Variants in JOSD2 observed in about 807,000 individuals in gnomAD.
The protein encoded by JOSD2 is josephin-2.
JOSD2 carries 20 observed loss-of-function variants against 19.3 expected under a neutral mutation model. The observed-to-expected ratio is 1.04, with a 90% CI of 0.73 to 1.51. The LOEUF is 1.51. JOSD2 is among the 40% of genes most tolerant of loss of function. The pLI is 0.00. For missense variants in JOSD2, 215 were observed against 250.4 expected (o/e 0.86, Z 0.95); for synonymous variants, 118 against 123.7 (o/e 0.95, Z 0.31).
At position 50,506,507 on chromosome 19, in the gene JOSD2, G is replaced by A. The variant is rs1048937122; in HGVS notation, c.338C>T (p.Ser113Leu). 4 of 1,556,348 alleles carry A rather than the reference G, an allele frequency of 2.6e-6. No homozygotes were observed. The highest frequency in any genetic ancestry group is 2.4e-5 in the East Asian group (1 of 41,364). Residue 113 changes from serine to leucine, a missense_variant, in exon 4 of 5, where the codon TCG (serine) becomes TTG (leucine). Physicochemically the swap from Ser to Leu is moderately radical, Grantham distance 145 (BLOSUM62 -2). Transcript: ENST00000598418. ...GLILNLPSPV[S>L]LGLLSLPLRR... ...CAGCGGCAGTGACAGCAGCCCCAGC[G>A]ACACGGGCGAGGGCAGGTTCAGGAT...
At chr19:50,510,203 C>T in intron 2 of JOSD2, 83 bp downstream of exon 2, 1 of 1,561,912 alleles carries the variant, frequency 6.4e-7, no homozygotes, top group Non-Finnish European at 8.8e-7. Context: ...CCCCAAGGCT[C>T]AGCGCCTGCC....
In JOSD2 at chr19:50,506,407, G is replaced by T; in HGVS notation, c.438C>A (p.Pro146=). The T allele has an allele frequency of 6.2e-7, 1 of 1,605,734 alleles. No individual in the cohort carries two copies. Residue 146 remains proline, a synonymous_variant, in exon 4 of 5, where the codon CCC becomes CCA. Transcript: ENST00000598418. The part of the protein sequence containing the change: ...YYNLDSKLRA[P]EALGDEDGVR... ...CTCCGTCCTCATCCCCCAGGGCCTC[G>T]GGCGCCCGCAGCTTGGAGTCCAGGT...
intron 3 of JOSD2, among the ~76,000 whole-genome samples, chr19:50,507,158 T>G (rs1477164817): frequency 9.3e-6 from 1 of 107,962 alleles, no homozygotes; most frequent in African/African-American, 3.5e-5. Context: ...CACCCAACAG[T>G]GGACTCGCCA....
intron 2 of JOSD2, among the ~76,000 whole-genome samples, chr19:50,509,609 C>T (rs1327419135): frequency 3.9e-5 from 6 of 151,958 alleles, no homozygotes; most frequent in Non-Finnish European, 5.9e-5. Flanking sequence ...AGGGCGGGGG[C>T]GTGTTTAGGA....
At chr19:50,508,617 T>C (rs954496930) in intron 2 of JOSD2, among the ~76,000 whole-genome samples, 5 of 151,100 alleles carry the variant, frequency 3.3e-5, no homozygotes, top group Admixed American at 6.6e-5. Flanking sequence ...TCACCACTTG[T>C]CTCTGGGCCC....
At chr19:50,507,424 A>AT (rs1452977682) in intron 3 of JOSD2, 150 bp downstream of exon 3, 1 of 1,068,328 alleles carries the variant, frequency 9.4e-7, no homozygotes, top group African/African-American at 1.6e-5. Context: ...CGACCACCTG[A>AT]TCTCCCCCTT....
chr19:50,510,656 C>G (rs761018653), intron 1 of JOSD2, among the ~76,000 whole-genome samples: 1 of 152,110 alleles, frequency 6.6e-6, no homozygotes, highest in Non-Finnish European at 1.5e-5. Flanking sequence ...AACGCTGTCT[C>G]TTCTGCTCCC....
rs1365555398 is a variant in JOSD2, at chr19:50,506,256, C to T, written c.484G>A (p.Ala162Thr). Residue 162 changes from alanine (A) to threonine (T), a missense_variant, in exon 5 of 5, where the codon GCG becomes ACG. Transcript: ENST00000598418. ...EDGVRAFLAA[A>T]LAQGLCEVLL... ...ACCTCGCACAGGCCCTGGGCCAGCGCAGCCGCCAGGAAGGCCCTGGGTGGG... is the reference window on the plus strand; with the variant it reads ...ACCTCGCACAGGCCCTGGGCCAGCGTAGCCGCCAGGAAGGCCCTGGGTGGG... The T allele has an allele frequency of 3.1e-6, 5 of 1,612,658 alleles. No homozygotes were observed. Among genetic ancestry groups the T allele is most frequent in the East Asian group, 2.2e-5 (1 of 44,868 alleles).
At position 50,506,411 on chromosome 19, in the gene JOSD2, GCCCGCAGCTTGGAGTC is replaced by G. The variant is rs1568700384; in HGVS notation, c.418_433del (p.Asp140ArgfsTer29). 6.2e-7 allele frequency: 1 copy of G among 1,605,230 alleles called. No homozygotes were observed. On this transcript the variant is annotated frameshift_variant, in exon 4 of 5. Transcript: ENST00000598418. LOFTEE classifies it high-confidence loss of function. ...GTCCTCATCCCCCAGGGCCTCGGGC[GCCCGCAGCTTGGAGTC>G]CAGGTTGTAGTAGACACCGTCCACC...
chr19:50,510,063 A>AAAAAAAAAAAAAAAG (rs1182149961), intron 2 of JOSD2: 1 of 460,238 alleles, frequency 2.2e-6, no homozygotes, highest in African/African-American at 2.1e-5. Flanking sequence ...AAAAAAAAAA[A>AAAAAAAAAAAAAAAG]AAAAGAAAGA....
intron 1 of JOSD2, 74 bp downstream of exon 1, chr19:50,511,043 A>T: frequency 2.2e-6 from 1 of 447,986 alleles, no homozygotes; most frequent in Admixed American, 2.4e-5. Flanking sequence ...CTCCCCGGAC[A>T]CCAAGGAATG....
At chr19:50,507,811 G>A in intron 2 of JOSD2, 112 bp from the exon 3 acceptor site, 1 of 1,352,058 alleles carries the variant, frequency 7.4e-7, no homozygotes, top group Non-Finnish European at 1.0e-6. Flanking sequence ...CCCCGCTTCA[G>A]ACCCCACAAC....
chr19:50,507,515 A>G, intron 3 of JOSD2, 59 bp downstream of exon 3: 1 of 1,524,320 alleles, frequency 6.6e-7, no homozygotes, highest in Non-Finnish European at 8.8e-7. Context: ...CAACAGGCTC[A>G]CACTATAGGG....
rs1404469747 is a variant in JOSD2, at chr19:50,506,583, A to G, written c.273-11T>C. The stretch of plus-strand genomic sequence containing the variant: ...AGCTGGGACAGGGGCCTGTGTGGGC[A>G]GGGAGGGGACACTGCCATCAGGGCC... On this transcript the variant is annotated splice_polypyrimidine_tract_variant and intron_variant, in intron 3 of 4. Transcript: ENST00000598418. 1 of 1,509,588 alleles carries G rather than the reference A, an allele frequency of 6.6e-7. No individual in the cohort carries two copies. Among genetic ancestry groups the G allele is most frequent in the Non-Finnish European group, 8.9e-7 (1 of 1,126,392 alleles). The allele number at this position is 1,509,588 out of a possible 1,614,324, so 93.5% of individuals were successfully genotyped here.
At position 50,511,140 on chromosome 19, in the gene JOSD2, G is replaced by C. The variant is rs1979826605; in HGVS notation, c.-41C>G. On this transcript the variant is annotated 5_prime_UTR_variant, in exon 1 of 5. Transcript: ENST00000598418. ...ACCCCGCCTGCCTCTCCGCTCCACC[G>C]AGCCAGGGGTTTCCGCATCCCCTTC... 4.4e-6 allele frequency: 2 copies of C among 450,700 alleles called. No individual in the cohort carries two copies. Among genetic ancestry groups the C allele is most frequent in the Non-Finnish European group, 4.5e-6 (1 of 224,046 alleles). The allele number at this position is 450,700 out of a possible 1,614,324, so 27.9% of individuals were successfully genotyped here. A position where few individuals can be genotyped will look rare whatever the true frequency, so the allele number is the denominator to read the frequency against.
intron 3 of JOSD2, 110 bp from the exon 4 acceptor site, chr19:50,506,682 A>C: frequency 2.0e-6 from 2 of 982,610 alleles, no homozygotes; most frequent in Admixed American, 5.9e-5. Context: ...TCCTGAGCCC[A>C]CCCAGAGGTG....
chr19:50,508,036 T>C (rs566295931), intron 2 of JOSD2: 7 of 399,554 alleles, frequency 1.8e-5, no homozygotes, highest in South Asian at 1.6e-4. Flanking sequence ...GTCCTGTCTC[T>C]CCTGCCCTGA....
Position 50,510,393 on chromosome 19 carries a change from G to GGTGGGTGCCGTTC in JOSD2, c.38_39insGAACGGCACCCAC (p.Val14AsnfsTer30). On this transcript the variant is annotated frameshift_variant, in exon 2 of 5. Transcript: ENST00000598418. LOFTEE classifies it high-confidence loss of function. ...CCAGGCGCTGCCGTTCGTGGTACAC[G>GGTGGGTGCCGTTC]GTGGGTGGGCTCGGCTGTGCTCCCG... The GGTGGGTGCCGTTC allele has an allele frequency of 1.2e-6, 2 of 1,613,038 alleles. No homozygotes were observed. Among genetic ancestry groups the GGTGGGTGCCGTTC allele is most frequent in the Non-Finnish European group, 1.7e-6 (2 of 1,179,676 alleles).
chr19:50,507,548 A>G (rs764959916), intron 3 of JOSD2, 26 bp downstream of exon 3: 2 of 1,591,528 alleles, frequency 1.3e-6, no homozygotes, highest in East Asian at 4.5e-5. Context: ...CCGGCCCAGC[A>G]CATGCTGTGC....
Sources: gnomAD v4.1 joint callset for allele counts (sites outside exome capture counted in the v4.1 genomes callset) on GRCh38, gnomAD v4.1.1 for gene constraint, MANE v1.5 for transcripts, NCBI Gene and HGNC (gene_info 2026-07-23, HGNC 2026-07-21) for gene names.